DNM1: variants seen among roughly 807,000 people sequenced by gnomAD.
DNM1 encodes the protein dynamin 1, also known as dynamin-1.
Under a neutral mutation model 104.6 loss-of-function variants are expected in DNM1, and 29 were observed. The ratio of observed to expected loss-of-function variants is 0.28; its 90% CI spans 0.21 to 0.38. The LOEUF is 0.38. Ranked by LOEUF, DNM1 falls within the 10% of genes least tolerant of loss-of-function variation. The pLI is 1.00. For missense variants in DNM1, 640 were observed against 1,189.4 expected, an observed-to-expected ratio of 0.54 and a Z score of 6.79; for synonymous variants, 445 against 475.8, an observed-to-expected ratio of 0.94 and a Z score of 0.84.
intron 10 of DNM1, chr9:128,232,620 C>G (rs1208115090): frequency 6.5e-6 from 1 of 153,020 alleles, no homozygotes; most frequent in African/African-American, 2.4e-5. Context: ...TCTTCCTCCA[C>G]TGGGGGACCC....
intron 1 of DNM1, among the ~76,000 whole-genome samples, chr9:128,208,702 C>T (rs1308482023): frequency 6.6e-6 from 1 of 151,106 alleles, no homozygotes; most frequent in African/African-American, 2.5e-5. Flanking sequence ...GGGAGGCTTG[C>T]GGCTGATCGG....
chr9:128,252,283 T>C (rs1829578226), intron 21 of DNM1: 14 of 326,246 alleles, frequency 4.3e-5, no homozygotes, highest in South Asian at 3.4e-4. Context: ...TATGGTGCGG[T>C]GTGAGATCTG....
At position 128,246,486 on chromosome 9, in the gene DNM1, C is replaced by T. The variant is rs111534551; in HGVS notation, c.1764C>T (p.Leu588=). ...GFMSSKHIFA[L]FNTEQRNVYK... is the part of the protein sequence containing the mutation. ...TGTCGAGCAAGCATATCTTTGCCCT[C>T]TTTAACACGGAGCAGAGGTGCCTGC... The change falls in exon 16 of 22, where the codon CTC becomes CTT. Residue 588 remains leucine, a synonymous_variant. Transcript: ENST00000372923. 3.3e-4 allele frequency: 532 copies of T among 1,613,986 alleles called. 3 individuals are homozygous for T. In the African/African-American group the frequency reaches 6.1e-3, roughly 19 times the overall value.
At position 128,220,742 on chromosome 9, in the gene DNM1, C is replaced by CGCGCGTCTGTGTGTGT. The variant is rs61020870; in HGVS notation, c.849+402_849+403insCGCGTCTGTGTGTGTG. On this transcript the variant is annotated intron_variant, in intron 6 of 21. Coordinates refer to ENST00000372923, the MANE Select transcript of DNM1 (RefSeq NM_004408.4). This position sits in a 1 kb window ranked among gnomAD's most constrained non-coding sequence, Gnocchi z 5.2. ...CAGAACTGAAGTGCGCGCGCGCGCG[C>CGCGCGTCTGTGTGTGT]GTGTGTGTGTGTGTGTGTGTGTGTG... Among the ~76,000 whole-genome samples, 2 of 136,278 alleles carry CGCGCGTCTGTGTGTGT rather than the reference C, an allele frequency of 1.5e-5. No homozygotes were observed. The highest frequency in any genetic ancestry group is 5.3e-5 in the African/African-American group (2 of 37,720). 89.4% of individuals were successfully genotyped at this position (136,278 alleles called of 152,430 possible).
chr9:128,222,548 C>T lies in DNM1; in HGVS notation c.1080C>T (p.Ala360=). ...ACACCTACGAACTGTCAGGGGGAGC[C>T]CGCATTAACCGAATCTTCCACGAGC... is the stretch of plus-strand genomic sequence containing the variant. ...QIDTYELSGG[A]RINRIFHERF... The change falls in exon 8 of 22, where the codon GCC becomes GCT. Residue 360 remains alanine, a synonymous_variant. Coordinates refer to ENST00000372923, the MANE Select transcript of DNM1 (RefSeq NM_004408.4). This position sits in a 1 kb window ranked among gnomAD's most constrained non-coding sequence, Gnocchi z 7.8. 6.2e-7 allele frequency: 1 copy of T among 1,614,152 alleles called. No homozygotes were observed. Among genetic ancestry groups the T allele is most frequent in the South Asian group, 1.1e-5 (1 of 91,086 alleles).
intron 19 of DNM1, 80 bp from the exon 20 acceptor site, chr9:128,250,035 G>A (rs918597031): frequency 2.1e-5 from 33 of 1,606,292 alleles, no homozygotes; most frequent in Non-Finnish European, 2.6e-5. Context: ...CCAGCTCACA[G>A]TCCCAGCAGG....
At chr9:128,232,958 G>A (rs892912245) in intron 10 of DNM1, among the ~76,000 whole-genome samples, 2 of 152,164 alleles carry the variant, frequency 1.3e-5, no homozygotes, top group African/African-American at 4.8e-5. Flanking sequence ...TTGCCACCCA[G>A]TTGATTGGAG....
intron 10 of DNM1, among the ~76,000 whole-genome samples, chr9:128,226,428 G>A (rs1835347562): frequency 1.3e-5 from 2 of 152,246 alleles, no homozygotes; most frequent in South Asian, 4.1e-4. Context: ...TAAGGAGATG[G>A]CAGCTGTTTA....
In DNM1 at chr9:128,219,092, C is replaced by T. The variant is rs1004906778; in HGVS notation, c.429C>T (p.Val143=). 1.2e-6 allele frequency: 2 copies of T among 1,614,156 alleles called. No individual in the cohort carries two copies. The highest frequency in any genetic ancestry group is 2.7e-5 in the African/African-American group (2 of 75,054). ...TLVDLPGMTK[V]PVGDQPPDIE... is the part of the protein sequence containing the mutation. ...TGGACCTGCCCGGAATGACCAAGGT[C>T]CCGGTGGGGGACCAACCTCCCGACA... The change falls in exon 4 of 22, where the codon GTC becomes GTT. Residue 143 remains valine (V), a synonymous_variant. Coordinates refer to ENST00000372923, the MANE Select transcript of DNM1 (RefSeq NM_004408.4).
rs778039680 is a variant in DNM1, at chr9:128,253,164, C to T, written c.2535-1490C>T. The T allele has an allele frequency of 5.6e-6, 9 of 1,599,304 alleles. No homozygotes were observed. Among genetic ancestry groups the T allele is most frequent in the Admixed American group, 3.3e-5 (2 of 59,962 alleles). On this transcript the variant is annotated intron_variant, in intron 21 of 21. Coordinates refer to ENST00000372923, the MANE Select transcript of DNM1 (RefSeq NM_004408.4). This position sits in a 1 kb window ranked among gnomAD's most constrained non-coding sequence, Gnocchi z 5.9. ...TAGGTACATGCCTCACCGCCTGCTGCATGAACGGTGTGTCTGCCCCGCTGC... is the reference window on the plus strand; with the variant it reads ...TAGGTACATGCCTCACCGCCTGCTGTATGAACGGTGTGTCTGCCCCGCTGC...
In DNM1 at chr9:128,245,057, G is replaced by A. The variant is rs1836686237; in HGVS notation, c.1672-1337G>A. 1 of 267,176 alleles carries A rather than the reference G, an allele frequency of 3.7e-6. No individual in the cohort carries two copies. The highest frequency in any genetic ancestry group is 7.8e-6 in the Non-Finnish European group (1 of 128,938). The allele number at this position is 267,176 out of a possible 1,614,324, so 16.6% of individuals were successfully genotyped here. On this transcript the variant is annotated intron_variant, in intron 15 of 21. Transcript: ENST00000372923. The surrounding 1 kb of genome is among the most constrained non-coding windows in gnomAD (Gnocchi z 5.2). ...GAGGAGGGGGCCGGCCGGCAGGAAG[G>A]GAGGGGTGGGGGGAGGAGGCCGCTC...
Position 128,254,986 on chromosome 9 carries a change from A to T in DNM1, c.*272A>T, listed in dbSNP as rs1328417595. On this transcript the variant is annotated 3_prime_UTR_variant, in exon 22 of 22. Transcript: ENST00000372923. The surrounding 1 kb of genome is among the most constrained non-coding windows in gnomAD (Gnocchi z 6.1). ...CAACCGCCTCGCCTCTAGCGCTGGG[A>T]ATCAGTCACTGTGCTATCCTTGTGG... The T allele has an allele frequency of 5.8e-6, 2 of 347,308 alleles. No individual in the cohort carries two copies. Among genetic ancestry groups the T allele is most frequent in the Non-Finnish European group, 1.0e-5 (2 of 192,152 alleles). The allele number at this position is 347,308 out of a possible 1,614,324, so 21.5% of individuals were successfully genotyped here. A position where few individuals can be genotyped will look rare whatever the true frequency, so the allele number is the denominator to read the frequency against.
At chr9:128,239,568 G>T (rs1321148951) in intron 12 of DNM1, 53 bp downstream of exon 12, 1 of 81,202 alleles carries the variant, frequency 1.2e-5, no homozygotes, top group Non-Finnish European at 1.9e-5. Context: ...AGAAGGTAAC[G>T]TGTGTGTGTG....
chr9:128,206,911 G>T (rs1229102861), intron 1 of DNM1, among the ~76,000 whole-genome samples: 1 of 152,056 alleles, frequency 6.6e-6, no homozygotes, highest in Non-Finnish European at 1.5e-5. Context: ...GAGGGAAAAG[G>T]CAGGAGACTG....
intron 10 of DNM1, among the ~76,000 whole-genome samples, chr9:128,232,309 C>A (rs1157886951): frequency 1.3e-5 from 2 of 152,172 alleles, no homozygotes; most frequent in African/African-American, 4.8e-5. Flanking sequence ...GGAGCCCTTC[C>A]TTGAGCCTCA....
At chr9:128,204,335 G>T (rs113686866) in intron 1 of DNM1, 1 of 152,436 alleles carries the variant, frequency 6.6e-6, no homozygotes, top group Admixed American at 6.5e-5. Flanking sequence ...TGGGTGGGGG[G>T]CGCCTGTCAG....
chr9:128,218,966 C>A lies in DNM1; in HGVS notation c.386-83C>A. 1 of 1,511,440 alleles carries A rather than the reference C, an allele frequency of 6.6e-7. No individual in the cohort carries two copies. The highest frequency in any genetic ancestry group is 2.3e-5 in the East Asian group (1 of 43,356). The allele number at this position is 1,511,440 out of a possible 1,614,324, so 93.6% of individuals were successfully genotyped here. A position where few individuals can be genotyped will look rare whatever the true frequency, so the allele number is the denominator to read the frequency against. On this transcript the variant is annotated intron_variant, in intron 3 of 21. Transcript: ENST00000372923. The surrounding 1 kb of genome is among the most constrained non-coding windows in gnomAD (Gnocchi z 4.8). ...CACCTGCCACCCTGCTCCCAAGCAG[C>A]TTCTCTAACCCCGCCCTATTCTTTA...
In DNM1 at chr9:128,203,406, A is replaced by T; in HGVS notation, c.-65A>T. Reference sequence around the variant, plus strand: ...TCTGGGCGCGCGGCTGCAGCGGCGGAGCCGGAGTCGGAGCCGGGAGCGCTA... The same window carrying T: ...TCTGGGCGCGCGGCTGCAGCGGCGGTGCCGGAGTCGGAGCCGGGAGCGCTA... On this transcript the variant is annotated 5_prime_UTR_variant, in exon 1 of 22. Transcript: ENST00000372923. The surrounding 1 kb of genome is among the most constrained non-coding windows in gnomAD (Gnocchi z 5.3). 3 of 1,343,158 alleles carry T rather than the reference A, an allele frequency of 2.2e-6. No individual in the cohort carries two copies. The highest frequency in any genetic ancestry group is 2.9e-6 in the Non-Finnish European group (3 of 1,045,928). 83.2% of individuals were successfully genotyped at this position (1,343,158 alleles called of 1,614,324 possible). A position where few individuals can be genotyped will look rare whatever the true frequency, so the allele number is the denominator to read the frequency against.
intron 9 of DNM1, chr9:128,223,101 C>T (rs891120863): frequency 1.9e-5 from 10 of 519,354 alleles, no homozygotes; most frequent in African/African-American, 1.2e-4. Flanking sequence ...CGCAGGTGGC[C>T]GGGGAAACAC....
Sources: allele counts gnomAD v4.1 joint callset (sites outside exome capture counted in the v4.1 genomes callset), GRCh38; gene constraint gnomAD v4.1.1; non-coding constraint Gnocchi (gnomAD v3.1); transcripts MANE v1.5; gene names NCBI Gene and HGNC (gene_info 2026-07-23, HGNC 2026-07-21).